The following NF2 variants were observed in gnomAD, a reference collection of about 807,000 sequenced individuals.
The protein encoded by NF2 is merlin.
A neutral mutation model predicts 83.7 loss-of-function variants in NF2; 8 were observed. The observed-to-expected ratio is 0.10, with a 90% CI of 0.06 to 0.17. The LOEUF (loss-of-function observed/expected upper bound fraction) is 0.17. NF2 is among the 10% of genes least tolerant of loss of function. NF2 has a pLI of 1.00. For synonymous variants in NF2, 266 were observed against 269.6 expected (o/e 0.99, Z 0.13); for missense variants, 533 against 744.4 (o/e 0.72, Z 3.31).
chr22:29,605,443 C>T (rs911167281), intron 1 of NF2, among the ~76,000 whole-genome samples: 6 of 151,752 alleles, frequency 4.0e-5, no homozygotes, highest in African/African-American at 1.2e-4. Flanking sequence ...GAAAGTGGTG[C>T]GATTACAGAT....
intron 14 of NF2, among the ~76,000 whole-genome samples, chr22:29,680,774 C>T (rs371006569): frequency 2.6e-5 from 4 of 152,002 alleles, no homozygotes; most frequent in East Asian, 3.9e-4. Flanking sequence ...TGAAGCTGGG[C>T]GCTGTGGCTT....
rs929634048 is a variant in NF2, at chr22:29,695,381, G to A, written c.*579G>A. 8 of 260,828 alleles carry A rather than the reference G, an allele frequency of 3.1e-5. No homozygotes were observed. Among genetic ancestry groups the A allele is most frequent in the Non-Finnish European group, 5.3e-5 (7 of 133,206 alleles). The allele number at this position is 260,828 out of a possible 1,614,324, so 16.2% of individuals were successfully genotyped here. On this transcript the variant is annotated 3_prime_UTR_variant, in exon 16 of 16. Transcript: ENST00000338641. The surrounding 1 kb of genome is among the most constrained non-coding windows in gnomAD (Gnocchi z 5.4). ...GGGTCCCCGCCAGGCACCCCGAGGC[G>A]GCGCTCTGGCTGGCAGCTGGTGGGG...
At chr22:29,643,864 C>T (rs1359297145) in intron 4 of NF2, among the ~76,000 whole-genome samples, 31 of 151,882 alleles carry the variant, frequency 2.0e-4, no homozygotes, top group African/African-American at 7.2e-4. Flanking sequence ...CCAGTAGGGG[C>T]GGCCGGGCAG....
At chr22:29,633,666 C>T (rs1333384739) in intron 1 of NF2, among the ~76,000 whole-genome samples, 1 of 152,178 alleles carries the variant, frequency 6.6e-6, no homozygotes, top group Non-Finnish European at 1.5e-5. Context: ...AAATGGAGCC[C>T]CATTCCCGCC....
At chr22:29,655,518 C>T in intron 5 of NF2, 76 bp from the exon 6 acceptor site, 4 of 1,021,962 alleles carry the variant, frequency 3.9e-6, no homozygotes, top group Non-Finnish European at 6.2e-6. Context: ...AAAAATGATG[C>T]ATAATTATAA....
intron 10 of NF2, among the ~76,000 whole-genome samples, chr22:29,671,486 G>A (rs964753276): frequency 2.6e-5 from 4 of 152,050 alleles, no homozygotes; most frequent in Non-Finnish European, 2.9e-5. Context: ...CCGAGATCGC[G>A]CCACTGCACT....
rs2147123627 is a variant in NF2 at position 29,681,587 on chromosome 22, A to G, written c.1723A>G (p.Asn575Asp). Reference sequence around the variant, plus strand: ...CGACAGGGGTGGCAGCAGCAAGCACAATACCATTAAAAAGGTACCCAGGGT... The same window carrying G: ...CGACAGGGGTGGCAGCAGCAAGCACGATACCATTAAAAAGGTACCCAGGGT... ...NSDRGGSSKH[N>D]TIKKLTLQSA... Residue 575 changes from asparagine to aspartate, a missense_variant, in exon 15 of 16, where the codon AAT becomes GAT. By Grantham distance (23) the Asn-to-Asp change is conservative. This residue lies in a region of NF2 where 199 missense variants were observed against 240.7 expected (regional missense o/e 0.83). Transcript: ENST00000338641. The G allele has an allele frequency of 1.2e-6, 2 of 1,614,066 alleles. No homozygotes were observed. The highest frequency in any genetic ancestry group is 1.7e-6 in the Non-Finnish European group (2 of 1,180,002).
intron 4 of NF2, among the ~76,000 whole-genome samples, chr22:29,653,217 G>A (rs913290778): frequency 3.3e-5 from 5 of 152,092 alleles, no homozygotes; most frequent in African/African-American, 7.2e-5. Flanking sequence ...AGGCTGAGGC[G>A]GGCAGATCAC....
chr22:29,643,963 G>C (rs1308410265), intron 4 of NF2, among the ~76,000 whole-genome samples: 6 of 130,756 alleles, frequency 4.6e-5, no homozygotes, highest in Non-Finnish European at 8.6e-5. Context: ...CTGGCCTGGC[G>C]GGGGGCTGAC....
intron 1 of NF2, among the ~76,000 whole-genome samples, chr22:29,605,865 G>C (rs1367367669): frequency 6.6e-6 from 1 of 152,164 alleles, no homozygotes; most frequent in African/African-American, 2.4e-5. Flanking sequence ...TTCTTCCCAG[G>C]AAAAGCAGGA....
In NF2 at chr22:29,673,372, T is replaced by C; in HGVS notation, c.1226T>C (p.Met409Thr). ...AAGGCCGCAGAGGCTGAGCAGGAAA[T>C]GCAGCGCATCAAGGCCACAGCGATT... is the stretch of plus-strand genomic sequence containing the variant. Reference protein sequence around the residue: ...AQKAAEAEQEMQRIKATAIRT... With the variant: ...AQKAAEAEQETQRIKATAIRT... Residue 409 changes from methionine (M) to threonine (T), a missense_variant, in exon 12 of 16, where the codon ATG (methionine) becomes ACG (threonine). Around this residue, in one of 3 missense-constraint regions of NF2, gnomAD observed 199 missense variants for 240.7 expected, o/e 0.83. Transcript: ENST00000338641. 2.5e-6 allele frequency: 4 copies of C among 1,610,522 alleles called. No homozygotes were observed. The South Asian group carries it at 3.3e-5, about 13-fold the overall frequency.
intron 6 of NF2, among the ~76,000 whole-genome samples, chr22:29,655,940 G>T (rs1361907213): frequency 3.3e-5 from 5 of 150,792 alleles, no homozygotes; most frequent in Admixed American, 3.3e-4. Context: ...TTAAGTTTAA[G>T]ATTTTTTTTT....
At chr22:29,659,129 T>G (rs186184351) in intron 7 of NF2, among the ~76,000 whole-genome samples, 1 of 152,328 alleles carries the variant, frequency 6.6e-6, no homozygotes, top group East Asian at 1.9e-4. Flanking sequence ...AAGGCACACT[T>G]AAAGTGCCTA....
intron 13 of NF2, among the ~76,000 whole-genome samples, chr22:29,675,144 C>G (rs772508702): frequency 2.0e-5 from 3 of 152,184 alleles, no homozygotes; most frequent in Admixed American, 1.3e-4. Context: ...TTAGTTGTCT[C>G]TTTGGTTGCC....
Position 29,654,591 on chromosome 22 carries a change from G to C in NF2, c.448-66G>C, listed in dbSNP as rs958674236. 7 of 1,361,532 alleles carry C rather than the reference G, an allele frequency of 5.1e-6. No individual in the cohort carries two copies. In the East Asian group the frequency reaches 1.4e-4, roughly 27 times the overall value. 84.3% of individuals were successfully genotyped at this position (1,361,532 alleles called of 1,614,324 possible). On this transcript the variant is annotated intron_variant, in intron 4 of 15. Coordinates refer to ENST00000338641, the MANE Select transcript of NF2 (RefSeq NM_000268.4). ...GCTGGGAGGGAATGAGATTGGTCCA[G>C]CTCTGTTCAGAAATGGCAGTTATCT...
chr22:29,617,470 T>A (rs2065110012), intron 1 of NF2, among the ~76,000 whole-genome samples: 1 of 152,004 alleles, frequency 6.6e-6, no homozygotes, highest in Admixed American at 6.6e-5. Flanking sequence ...CCAGTAGCAT[T>A]CCCCCACCCC....
intron 4 of NF2, among the ~76,000 whole-genome samples, chr22:29,644,662 C>T (rs2065930169): frequency 6.6e-6 from 1 of 152,242 alleles, no homozygotes; most frequent in South Asian, 2.1e-4. Context: ...ACTCCGTCTG[C>T]AATCCCGGCA....
intron 15 of NF2, among the ~76,000 whole-genome samples, chr22:29,686,421 C>A (rs1438833025): frequency 6.6e-6 from 1 of 152,232 alleles, no homozygotes; most frequent in Non-Finnish European, 1.5e-5. Context: ...AGGTGAATCA[C>A]CTGAGGTCAG....
chr22:29,605,444 G>A (rs1338407434), intron 1 of NF2, among the ~76,000 whole-genome samples: 1 of 151,816 alleles, frequency 6.6e-6, no homozygotes, highest in African/African-American at 2.4e-5. Flanking sequence ...AAAGTGGTGC[G>A]ATTACAGATG....
Sources: allele counts gnomAD v4.1 joint callset (sites outside exome capture counted in the v4.1 genomes callset), GRCh38; gene constraint gnomAD v4.1.1; regional missense constraint gnomAD v4.1.1; non-coding constraint Gnocchi (gnomAD v3.1); transcripts MANE v1.5; gene names NCBI Gene and HGNC (gene_info 2026-07-23, HGNC 2026-07-21).